EMP2: variants seen among roughly 807,000 people sequenced by gnomAD.
The protein encoded by EMP2 is epithelial membrane protein 2.
EMP2 carries 19 observed loss-of-function variants against 13.7 expected under a neutral mutation model. The ratio of observed to expected loss-of-function variants is 1.38; its 90% CI spans 0.97 to 2.03. The LOEUF (loss-of-function observed/expected upper bound fraction) is 2.03, where lower values mean the gene tolerates loss of function less well. EMP2 is among the 30% of genes most tolerant of loss of function. The probability of loss-of-function intolerance (pLI) is 0.00; values close to 1 mark genes in which losing one functional copy is unlikely to be tolerated. For missense variants in EMP2, 253 were observed against 220.7 expected (o/e 1.15, Z -0.93); for synonymous variants, 97 against 84.7 (o/e 1.15, Z -0.80).
At chr16:10,547,446 C>G (rs2050748025) in intron 2 of EMP2, 94 bp downstream of exon 2, 1 of 1,319,760 alleles carries the variant, frequency 7.6e-7, no homozygotes, top group Non-Finnish European at 1.1e-6. Context: ...CTCTGGTATG[C>G]CTTTATCAGC....
intron 3 of EMP2, among the ~76,000 whole-genome samples, chr16:10,542,353 G>C (rs575987775): frequency 1.8e-4 from 28 of 152,178 alleles, no homozygotes; most frequent in African/African-American, 6.7e-4. Context: ...AGTCGTGACT[G>C]CACCACTGCA....
At chr16:10,548,787 C>T (rs141357780) in intron 1 of EMP2, among the ~76,000 whole-genome samples, 35 of 152,350 alleles carry the variant, frequency 2.3e-4, no homozygotes, top group African/African-American at 8.2e-4. Context: ...TTGAACAACA[C>T]TGGACCCCAA....
chr16:10,549,883 C>CTTTTTTTTTTTTTTTTTTT (rs59259895), intron 1 of EMP2, among the ~76,000 whole-genome samples: 15 of 112,270 alleles, frequency 1.3e-4, no homozygotes, highest in African/African-American at 3.2e-4. Flanking sequence ...TTTTCTTTTT[C>CTTTTTTTTTTTTTTTTTTT]TTTTTTTTTT....
At chr16:10,540,379 A>G (rs891752899) in intron 3 of EMP2, among the ~76,000 whole-genome samples, 2 of 152,030 alleles carry the variant, frequency 1.3e-5, no homozygotes, top group African/African-American at 2.4e-5. Flanking sequence ...GGTGGCACAC[A>G]CCTGTAATCC....
At chr16:10,576,020 C>T (rs1479227498) in intron 1 of EMP2, among the ~76,000 whole-genome samples, 2 of 152,062 alleles carry the variant, frequency 1.3e-5, no homozygotes, top group Admixed American at 6.5e-5. Flanking sequence ...CACTCTAGTA[C>T]TCAGATTTTT....
At chr16:10,559,950 C>A (rs1489849640) in intron 1 of EMP2, among the ~76,000 whole-genome samples, 1 of 152,186 alleles carries the variant, frequency 6.6e-6, no homozygotes. Context: ...CCTGGGATTA[C>A]AGGCGTGAGC....
intron 1 of EMP2, among the ~76,000 whole-genome samples, chr16:10,570,767 C>A (rs1387979896): frequency 2.6e-5 from 4 of 152,010 alleles, no homozygotes; most frequent in Admixed American, 6.6e-5. Context: ...TCTCAAACTC[C>A]TGGCCTGAAG....
intron 1 of EMP2, among the ~76,000 whole-genome samples, chr16:10,573,155 T>C (rs551188573): frequency 1.3e-5 from 2 of 152,290 alleles, no homozygotes; most frequent in East Asian, 3.9e-4. Flanking sequence ...ACTCAAGCGA[T>C]CCTCCCACCT....
rs2050606854 is a variant in EMP2 at position 10,532,003 on chromosome 16, G to C, written c.*902C>G. ...CTGTGGCGATGGAGGCCAAGGTTTT[G>C]GCCTGCTGTGGGGGTTGCATTCACC... On this transcript the variant is annotated 3_prime_UTR_variant, in exon 5 of 5. Transcript: ENST00000359543. The C allele has an allele frequency of 6.5e-6, 1 of 154,784 alleles. No homozygotes were observed. Among genetic ancestry groups the C allele is most frequent in the African/African-American group, 2.4e-5 (1 of 41,490 alleles). The allele number at this position is 154,784 out of a possible 1,614,324, so 9.6% of individuals were successfully genotyped here. A position where few individuals can be genotyped will look rare whatever the true frequency, so the allele number is the denominator to read the frequency against.
intron 1 of EMP2, among the ~76,000 whole-genome samples, chr16:10,567,514 G>C (rs1385696911): frequency 1.3e-5 from 2 of 152,196 alleles, no homozygotes; most frequent in Admixed American, 1.3e-4. Context: ...CTTAGACCAG[G>C]CTCTGGAACA....
intron 1 of EMP2, among the ~76,000 whole-genome samples, chr16:10,549,879 T>C (rs1163507985): frequency 1.6e-4 from 23 of 146,464 alleles, no homozygotes; most frequent in African/African-American, 5.8e-4. Flanking sequence ...TTTTTTTTCT[T>C]TTTCTTTTTT....
chr16:10,576,828 A>T (rs1360999417), intron 1 of EMP2: 3 of 152,224 alleles, frequency 2.0e-5, no homozygotes, highest in African/African-American at 7.2e-5. Context: ...GGAGGGACTC[A>T]TTTGGCCAGT....
chr16:10,557,394 C>A (rs373089344), intron 1 of EMP2, among the ~76,000 whole-genome samples: 61 of 150,640 alleles, frequency 4.0e-4, no homozygotes, highest in African/African-American at 3.9e-4. Context: ...AACAAAAAAA[C>A]CCCATGCTTT....
At position 10,529,629 on chromosome 16, in the gene EMP2, A is replaced by C. The variant is rs1300695711; in HGVS notation, c.*3276T>G. The C allele has an allele frequency of 2.6e-5, 4 of 152,158 alleles. No homozygotes were observed. 9.4% of individuals were successfully genotyped at this position (152,158 alleles called of 1,614,324 possible). On this transcript the variant is annotated 3_prime_UTR_variant, in exon 5 of 5. Transcript: ENST00000359543. ...AGGTGTTTTGTTTGTTTCCATCGTG[A>C]CTACCAGAAAATTATAGAAGGCCAG...
chr16:10,542,422 A>C (rs1030866746), intron 3 of EMP2, among the ~76,000 whole-genome samples: 2 of 135,720 alleles, frequency 1.5e-5, no homozygotes, highest in African/African-American at 6.0e-5. Context: ...AAACAAACAA[A>C]AACCAAAAAA....
At position 10,558,819 on chromosome 16, in the gene EMP2, C is replaced by T. The variant is rs189857306; in HGVS notation, c.-60-11142G>A. Among the ~76,000 whole-genome samples the T allele has an allele frequency of 2.1e-4, 32 of 152,198 alleles. 1 individual carries two copies. The East Asian group carries it at 6.0e-3, about 29-fold the overall frequency. On this transcript the variant is annotated intron_variant, in intron 1 of 4. Transcript: ENST00000359543. ...GAGTCAGAGAGCCCAGCTGGCTTCC[C>T]GCGGAGAGAGAACGTGCTGTTAAGA...
intron 1 of EMP2, among the ~76,000 whole-genome samples, chr16:10,561,851 A>C (rs1242532380): frequency 6.6e-6 from 1 of 152,238 alleles, no homozygotes; most frequent in Admixed American, 6.5e-5. Flanking sequence ...AAGGGCTAAT[A>C]ACAAGTGAAA....
chr16:10,562,071 G>A (rs2050875042), intron 1 of EMP2, among the ~76,000 whole-genome samples: 1 of 152,138 alleles, frequency 6.6e-6, no homozygotes, highest in African/African-American at 2.4e-5. Flanking sequence ...CTCATTCTGT[G>A]AGGCCAGCAT....
In EMP2 at chr16:10,529,938, AAAAAAAAAAAAG is replaced by A. The variant is rs1246551623; in HGVS notation, c.*2955_*2966del. 3.4e-4 allele frequency: 51 copies of A among 151,724 alleles called. No individual in the cohort carries two copies. Among genetic ancestry groups the A allele is most frequent in the African/African-American group, 1.2e-3 (49 of 41,388 alleles). The allele number at this position is 151,724 out of a possible 1,614,324, so 9.4% of individuals were successfully genotyped here. On this transcript the variant is annotated 3_prime_UTR_variant, in exon 5 of 5. Transcript: ENST00000359543. ...AAGAGCAAAACTCAGTCTCAAAAAA[AAAAAAAAAAAAG>A]AAAAAGAAAAAAGAAAATTATAGAA...
Sources: allele counts gnomAD v4.1 joint callset (sites outside exome capture counted in the v4.1 genomes callset), GRCh38; gene constraint gnomAD v4.1.1; transcripts MANE v1.5; gene names NCBI Gene and HGNC (gene_info 2026-07-23, HGNC 2026-07-21).